Variants in ADD3 observed in about 807,000 individuals in gnomAD.
The protein encoded by ADD3 is adducin 3, also known as gamma-adducin.
A neutral mutation model predicts 80.2 loss-of-function variants in ADD3; 25 were observed. The ratio of observed to expected loss-of-function variants is 0.31; its 90% CI spans 0.23 to 0.44. The LOEUF is 0.44. Ranked by LOEUF, ADD3 falls within the 20% of genes least tolerant of loss-of-function variation. ADD3 has a pLI of 1.00. For synonymous variants in ADD3, 284 were observed against 289.6 expected (o/e 0.98, Z 0.20); for missense variants, 829 against 847.5 (o/e 0.98, Z 0.27).
chr10:110,133,237 T>C (rs1853282377), intron 14 of ADD3, 89 bp from the exon 15 acceptor site: 2 of 1,321,600 alleles, frequency 1.5e-6, no homozygotes, highest in East Asian at 2.4e-5. Context: ...TAATGCCTTA[T>C]TACATTGCTA....
intron 1 of ADD3, among the ~76,000 whole-genome samples, chr10:110,069,173 C>T (rs935381001): frequency 6.6e-6 from 1 of 152,164 alleles, no homozygotes; most frequent in African/African-American, 2.4e-5. Flanking sequence ...AAATAATTTA[C>T]ATAAATAATC....
chr10:109,998,832 C>A (rs1851428892), intron 1 of ADD3, among the ~76,000 whole-genome samples: 1 of 152,188 alleles, frequency 6.6e-6, no homozygotes, highest in Non-Finnish European at 1.5e-5. Flanking sequence ...CTAACTAAAG[C>A]AGTACCCCTC....
At chr10:110,030,262 G>A (rs56206587) in intron 1 of ADD3, among the ~76,000 whole-genome samples, 21,785 of 150,372 alleles carry the variant, frequency 0.14, 2,327 homozygotes, top group South Asian at 0.42. Flanking sequence ...GGCGGAGGTT[G>A]CGGTGAGCCA....
intron 1 of ADD3, among the ~76,000 whole-genome samples, chr10:110,022,486 A>G (rs1241401591): frequency 2.0e-5 from 3 of 152,200 alleles, no homozygotes; most frequent in Non-Finnish European, 4.4e-5. Flanking sequence ...CACATACCAT[A>G]AAATTCACCT....
At chr10:110,075,895 A>G (rs1845328704) in intron 1 of ADD3, among the ~76,000 whole-genome samples, 1 of 152,204 alleles carries the variant, frequency 6.6e-6, no homozygotes, top group Non-Finnish European at 1.5e-5. Context: ...GGCAAGATCA[A>G]TCAACAGCCC....
chr10:110,037,434 G>A (rs777623366), intron 1 of ADD3, among the ~76,000 whole-genome samples: 19 of 151,694 alleles, frequency 1.3e-4, no homozygotes, highest in East Asian at 3.9e-4. Context: ...GTGAAACCCC[G>A]TCTCTACTGA....
chr10:110,013,827 T>C lies in ADD3; in HGVS notation c.-30+5528T>C, dbSNP rs116876435. Among the ~76,000 whole-genome samples the C allele has an allele frequency of 1.2e-3, 188 of 152,338 alleles. No homozygotes were observed. The East Asian group carries it at 0.022, about 18-fold the overall frequency. On this transcript the variant is annotated intron_variant, in intron 1 of 14. Coordinates refer to ENST00000356080, the MANE Select transcript of ADD3 (RefSeq NM_016824.5). ...TGTTTAACTCTGCCTCTGTGGTGGT[T>C]TGTTGGTTACCTACTAGAGGAGGTG... is the stretch of plus-strand genomic sequence containing the variant.
chr10:110,023,810 G>T lies in ADD3; in HGVS notation c.-30+15511G>T, dbSNP rs79925035. On this transcript the variant is annotated intron_variant, in intron 1 of 14. Coordinates refer to ENST00000356080, the MANE Select transcript of ADD3 (RefSeq NM_016824.5). ...TTGAATAGTCACCATTTTGGCTAAA[G>T]AATAGTCTTTTTGTTTACAAATGAA... Among the ~76,000 whole-genome samples, 1,486 of 152,286 alleles carry T rather than the reference G, an allele frequency of 9.8e-3. 29 individuals are homozygous for T. Among genetic ancestry groups the T allele is most frequent in the African/African-American group, 0.034 (1,398 of 41,562 alleles).
At chr10:110,060,470 T>C (rs758701944) in intron 1 of ADD3, among the ~76,000 whole-genome samples, 26 of 152,252 alleles carry the variant, frequency 1.7e-4, no homozygotes, top group Non-Finnish European at 3.1e-4. Flanking sequence ...CCTAGTGCTA[T>C]AATTGAAGCA....
intron 8 of ADD3, among the ~76,000 whole-genome samples, chr10:110,120,997 A>G (rs1416131838): frequency 6.6e-6 from 1 of 151,930 alleles, no homozygotes; most frequent in Non-Finnish European, 1.5e-5. Flanking sequence ...ACAAAAATCA[A>G]TTCAAGATGG....
rs189180906 is a variant in ADD3, at chr10:110,036,138, G to A, written c.-30+27839G>A. ...TGCACTCCAGCGTGGGCAACAGAAC[G>A]AGACTCCATCTCAAAAAAACAAACA... On this transcript the variant is annotated intron_variant, in intron 1 of 14. Coordinates refer to ENST00000356080, the MANE Select transcript of ADD3 (RefSeq NM_016824.5). Among the ~76,000 whole-genome samples the A allele has an allele frequency of 6.7e-3, 1,013 of 152,052 alleles. 11 individuals carry two copies. Among genetic ancestry groups the A allele is most frequent in the Non-Finnish European group, 7.6e-3 (515 of 67,984 alleles).
Position 110,119,553 on chromosome 10 carries a change from T to C in ADD3, c.949T>C (p.Cys317Arg). Residue 317 changes from cysteine (C) to arginine (R), a missense_variant, in exon 8 of 15, where the codon TGT becomes CGT. Transcript: ENST00000356080. Reference sequence around the variant, plus strand: ...TTATATTTTTAATGTGCAACTAGCCTGTGAGATTCAGGTAGGAAACATTAT... The same window carrying C: ...TTATATTTTTAATGTGCAACTAGCCCGTGAGATTCAGGTAGGAAACATTAT... ...FHYIFNVQLA[C>R]EIQVQALAGA... 1.2e-6 allele frequency: 2 copies of C among 1,613,056 alleles called. No homozygotes were observed. The highest frequency in any genetic ancestry group is 1.1e-5 in the South Asian group (1 of 90,892).
intron 1 of ADD3, among the ~76,000 whole-genome samples, chr10:110,094,764 T>A (rs1473380114): frequency 2.6e-5 from 4 of 152,220 alleles, no homozygotes; most frequent in African/African-American, 9.6e-5. Flanking sequence ...TAAGTTGTTT[T>A]CTAGAACTTC....
chr10:110,098,012 T>C (rs1178962445), intron 1 of ADD3, among the ~76,000 whole-genome samples: 3 of 152,166 alleles, frequency 2.0e-5, no homozygotes, highest in Non-Finnish European at 2.9e-5. Flanking sequence ...CCTGACCTCA[T>C]GATCTGGCCG....
intron 3 of ADD3, among the ~76,000 whole-genome samples, chr10:110,114,461 G>A (rs1367962228): frequency 6.6e-6 from 1 of 152,178 alleles, no homozygotes; most frequent in Non-Finnish European, 1.5e-5. Context: ...AATTTACAAA[G>A]AAAGGGGCTA....
At chr10:110,093,429 T>C (rs958840165) in intron 1 of ADD3, among the ~76,000 whole-genome samples, 2 of 152,226 alleles carry the variant, frequency 1.3e-5, no homozygotes, top group African/African-American at 2.4e-5. Flanking sequence ...ACTCTTTTAA[T>C]ATGATGCTAA....
In ADD3 at chr10:110,119,493, G is replaced by T; in HGVS notation, c.889G>T (p.Val297Phe). The stretch of plus-strand genomic sequence containing the variant: ...GCTGGTACTCAGGAATCATGGTGTG[G>T]TTGCACTTGGAGAAACATTAGAGGA... Reference protein sequence around the residue: ...KVLVLRNHGVVALGETLEEAF... With the variant: ...KVLVLRNHGVFALGETLEEAF... The change falls in exon 8 of 15, where the codon GTT (valine) becomes TTT (phenylalanine). Residue 297 changes from valine to phenylalanine, a missense_variant. By Grantham distance (50) the Val-to-Phe change is conservative (BLOSUM62 -1). Coordinates refer to ENST00000356080, the MANE Select transcript of ADD3 (RefSeq NM_016824.5). 2 of 1,614,134 alleles carry T rather than the reference G, an allele frequency of 1.2e-6. No individual in the cohort carries two copies. Among genetic ancestry groups the T allele is most frequent in the Non-Finnish European group, 1.7e-6 (2 of 1,179,998 alleles).
intron 1 of ADD3, among the ~76,000 whole-genome samples, chr10:110,083,694 T>A (rs1249981547): frequency 6.6e-6 from 1 of 152,136 alleles, no homozygotes; most frequent in African/African-American, 2.4e-5. Context: ...GCTAAGTATT[T>A]TTTAAAGATG....
intron 1 of ADD3, among the ~76,000 whole-genome samples, chr10:110,071,206 C>G (rs1000769752): frequency 6.6e-6 from 1 of 152,122 alleles, no homozygotes; most frequent in Non-Finnish European, 1.5e-5. Flanking sequence ...TTGGAAAAAG[C>G]AATTTAAAAA....
Sources: gnomAD v4.1 joint callset for allele counts (sites outside exome capture counted in the v4.1 genomes callset) on GRCh38, gnomAD v4.1.1 for gene constraint, MANE v1.5 for transcripts, NCBI Gene and HGNC (gene_info 2026-07-23, HGNC 2026-07-21) for gene names.